The following COMMD10 variants were observed in gnomAD, a reference collection of about 807,000 sequenced individuals.
The protein encoded by COMMD10 is COMM domain containing 10.
A neutral mutation model predicts 28.9 loss-of-function variants in COMMD10; 33 were observed. That is an observed-to-expected ratio of 1.14 (90% CI 0.87 to 1.53). The LOEUF is 1.53. Ranked by LOEUF, COMMD10 falls within the 40% of genes most tolerant of loss-of-function variation. The pLI is 0.00. For synonymous variants in COMMD10, 110 were observed against 81.7 expected, an observed-to-expected ratio of 1.35 and a Z score of -1.87; for missense variants, 310 against 233.4, an observed-to-expected ratio of 1.33 and a Z score of -2.14.
At chr5:116,202,245 A>C (rs1412608828) in intron 5 of COMMD10, among the ~76,000 whole-genome samples, 2 of 151,656 alleles carry the variant, frequency 1.3e-5, no homozygotes, top group African/African-American at 4.8e-5. Context: ...ATAGTATTCC[A>C]TGGTGTATAT....
chr5:116,207,679 C>T (rs1055062467), intron 5 of COMMD10, among the ~76,000 whole-genome samples: 1 of 152,122 alleles, frequency 6.6e-6, no homozygotes, highest in East Asian at 1.9e-4. Flanking sequence ...GCATGCATCA[C>T]CACACCCAGC....
intron 4 of COMMD10, among the ~76,000 whole-genome samples, chr5:116,098,626 C>T (rs945805938): frequency 1.3e-5 from 2 of 152,052 alleles, no homozygotes; most frequent in African/African-American, 2.4e-5. Context: ...TATTTAAATA[C>T]TGTGTCATTT....
chr5:116,205,781 T>C (rs1236138951), intron 5 of COMMD10, among the ~76,000 whole-genome samples: 1 of 152,174 alleles, frequency 6.6e-6, no homozygotes, highest in Non-Finnish European at 1.5e-5. Flanking sequence ...CAGCTTCACA[T>C]CATAAGTGTT....
intron 5 of COMMD10, among the ~76,000 whole-genome samples, chr5:116,209,434 C>A (rs1003692526): frequency 6.6e-6 from 1 of 152,218 alleles, no homozygotes; most frequent in Non-Finnish European, 1.5e-5. Flanking sequence ...CAAATCACAA[C>A]CAAAAGCTTA....
intron 5 of COMMD10, among the ~76,000 whole-genome samples, chr5:116,143,069 G>GTTTTTTT (rs375227609): frequency 6.9e-5 from 9 of 130,992 alleles, no homozygotes; most frequent in Non-Finnish European, 1.1e-4. Flanking sequence ...TGTGTTTTTG[G>GTTTTTTT]TTTTTTTTTT....
In COMMD10 at chr5:116,113,508, T is replaced by G. The variant is rs146959343; in HGVS notation, c.400-20560T>G. 2.1e-3 allele frequency among the ~76,000 whole-genome samples: 317 copies of G among 152,116 alleles called. 3 individuals carry two copies. The highest frequency in any genetic ancestry group is 7.3e-3 in the African/African-American group (301 of 41,500). On this transcript the variant is annotated intron_variant, in intron 4 of 6. Transcript: ENST00000274458. ...TCATTTTTTTCTTATTTTTAAAATT[T>G]TTATCAGACTGCACTGTTTGAAAAG...
chr5:116,245,785 C>A (rs763202913), intron 5 of COMMD10, among the ~76,000 whole-genome samples: 10 of 151,698 alleles, frequency 6.6e-5, no homozygotes, highest in Non-Finnish European at 1.3e-4. Context: ...TGATACAATT[C>A]ATACCTTCGT....
At chr5:116,087,359 C>G in intron 1 of COMMD10, 138 bp from the exon 2 acceptor site, 1 of 588,380 alleles carries the variant, frequency 1.7e-6, no homozygotes, top group Non-Finnish European at 3.0e-6. Context: ...TTTTTGCTGG[C>G]TGTCATCTGT....
intron 5 of COMMD10, among the ~76,000 whole-genome samples, chr5:116,191,333 C>T (rs953931717): frequency 2.6e-5 from 4 of 152,092 alleles, no homozygotes. Context: ...GGAGGGCACA[C>T]TCAACAGGTG....
At chr5:116,207,947 C>T (rs894985806) in intron 5 of COMMD10, among the ~76,000 whole-genome samples, 3 of 152,036 alleles carry the variant, frequency 2.0e-5, no homozygotes, top group African/African-American at 7.3e-5. Flanking sequence ...AATAAGAGAC[C>T]TTCATATTCC....
intron 5 of COMMD10, among the ~76,000 whole-genome samples, chr5:116,178,184 G>A (rs1485126761): frequency 3.9e-5 from 6 of 152,084 alleles, no homozygotes; most frequent in Admixed American, 3.9e-4. Context: ...TTAAATGAAT[G>A]ATGGAGTTGA....
At chr5:116,183,141 T>C (rs977010548) in intron 5 of COMMD10, among the ~76,000 whole-genome samples, 1 of 152,124 alleles carries the variant, frequency 6.6e-6, no homozygotes, top group Non-Finnish European at 1.5e-5. Context: ...ATAAAGAGAT[T>C]GTTGGTGAGA....
At chr5:116,202,154 G>A (rs529702540) in intron 5 of COMMD10, among the ~76,000 whole-genome samples, 17 of 150,520 alleles carry the variant, frequency 1.1e-4, no homozygotes, top group South Asian at 2.1e-4. Flanking sequence ...TTTTGTCCTC[G>A]CGATAGTTTA....
chr5:116,259,497 G>A (rs1479822501), intron 5 of COMMD10, among the ~76,000 whole-genome samples: 1 of 150,820 alleles, frequency 6.6e-6, no homozygotes, highest in Non-Finnish European at 1.5e-5. Context: ...TGTTAAGTTT[G>A]GTGACTTTCT....
chr5:116,130,331 A>G (rs1393124492), intron 4 of COMMD10, among the ~76,000 whole-genome samples: 1 of 151,922 alleles, frequency 6.6e-6, no homozygotes, highest in Admixed American at 6.6e-5. Context: ...ATATGTTATG[A>G]TAGATGGCAA....
intron 5 of COMMD10, among the ~76,000 whole-genome samples, chr5:116,290,379 T>TTAGA (rs1160953): frequency 0.47 from 71,351 of 151,068 alleles, 18,991 homozygotes; most frequent in African/African-American, 0.72. Flanking sequence ...GCTTAAGTAC[T>TTAGA]TAGATATATG....
intron 5 of COMMD10, among the ~76,000 whole-genome samples, chr5:116,265,729 T>C (rs1392036413): frequency 6.6e-6 from 1 of 151,734 alleles, no homozygotes; most frequent in African/African-American, 2.4e-5. Context: ...GCTGTTGTTA[T>C]GCCATATTAC....
chr5:116,211,352 T>C (rs910619697), intron 5 of COMMD10, among the ~76,000 whole-genome samples: 1 of 152,138 alleles, frequency 6.6e-6, no homozygotes, highest in Non-Finnish European at 1.5e-5. Flanking sequence ...ACTCTAAGAC[T>C]GTAAACCTAT....
chr5:116,268,765 C>A (rs182250724), intron 5 of COMMD10, among the ~76,000 whole-genome samples: 1 of 151,856 alleles, frequency 6.6e-6, no homozygotes, highest in East Asian at 1.9e-4. Context: ...TACTGTGCAG[C>A]CATAAAAAAG....
Sources: gnomAD v4.1 joint callset for allele counts (sites outside exome capture counted in the v4.1 genomes callset) on GRCh38, gnomAD v4.1.1 for gene constraint, MANE v1.5 for transcripts, NCBI Gene and HGNC (gene_info 2026-07-23, HGNC 2026-07-21) for gene names.